PCM1: variants seen among roughly 807,000 people sequenced by gnomAD.
PCM1 encodes pericentriolar material 1 protein.
Under a neutral mutation model 241.9 loss-of-function variants are expected in PCM1, and 157 were observed. The observed-to-expected ratio is 0.65, with a 90% CI of 0.57 to 0.74. PCM1 has a LOEUF of 0.74. Among genes scored for constraint, PCM1 ranks in the 30% least tolerant of loss-of-function variants. The pLI, the probability that PCM1 is intolerant of heterozygous loss-of-function variation, is 0.00. For synonymous variants in PCM1, 1,085 were observed against 784.9 expected (o/e 1.38, Z -6.39); for missense variants, 3,478 against 2,360.1 (o/e 1.47, Z -9.81).
intron 36 of PCM1, among the ~76,000 whole-genome samples, chr8:18,022,294 T>TTAAG (rs2129488216): frequency 1.3e-5 from 2 of 152,356 alleles, no homozygotes; most frequent in South Asian, 4.1e-4. Context: ...ACTTTTCTCA[T>TTAAG]TAAGTTTTGA....
At chr8:18,014,112 C>T in intron 35 of PCM1, 76 bp downstream of exon 35, 1 of 682,896 alleles carries the variant, frequency 1.5e-6, no homozygotes, top group Non-Finnish European at 2.3e-6. Context: ...AAAAAAAAAA[C>T]ACACACAGAA....
chr8:17,950,647 G>T lies in PCM1; in HGVS notation c.994G>T (p.Val332Phe). The change falls in exon 8 of 39, where the codon GTC becomes TTC. Residue 332 changes from valine to phenylalanine, a missense_variant. Physicochemically the swap from Val to Phe is conservative, Grantham distance 50 (BLOSUM62 -1). Transcript: ENST00000325083. The stretch of plus-strand genomic sequence containing the variant: ...AGAAACTGCAGGTAGCTTATCTGGC[G>T]TCAGTATCACATCTGAACTAAATGA... ...VAETAGSLSG[V>F]SITSELNEEL... The T allele has an allele frequency of 6.2e-7, 1 of 1,604,514 alleles. No individual in the cohort carries two copies. The highest frequency in any genetic ancestry group is 8.5e-7 in the Non-Finnish European group (1 of 1,174,186).
At chr8:17,976,171 G>C (rs1587547007) in intron 23 of PCM1, among the ~76,000 whole-genome samples, 1 of 152,282 alleles carries the variant, frequency 6.6e-6, no homozygotes, top group East Asian at 1.9e-4. Context: ...GATTTGGCTG[G>C]TAAACAACTA....
chr8:17,980,548 A>T, intron 23 of PCM1, 43 bp from the exon 24 acceptor site: 1 of 1,512,100 alleles, frequency 6.6e-7, no homozygotes, highest in Non-Finnish European at 8.9e-7. Flanking sequence ...TTTTAGTTTG[A>T]GTTAGTTGCA....
At chr8:17,996,951 A>G (rs2087031761) in intron 29 of PCM1, among the ~76,000 whole-genome samples, 1 of 152,084 alleles carries the variant, frequency 6.6e-6, no homozygotes, top group African/African-American at 2.4e-5. Flanking sequence ...ACACACCACA[A>G]TTACAGTGTT....
intron 38 of PCM1, 119 bp downstream of exon 38, chr8:18,025,777 G>C (rs1217904226): frequency 3.3e-6 from 2 of 611,038 alleles, no homozygotes; most frequent in East Asian, 3.0e-5. Flanking sequence ...CCAAATACTA[G>C]AAAGAAAGTG....
intron 7 of PCM1, among the ~76,000 whole-genome samples, chr8:17,949,658 G>A (rs909352779): frequency 6.6e-6 from 1 of 151,902 alleles, no homozygotes; most frequent in Non-Finnish European, 1.5e-5. Context: ...GTACCACGCC[G>A]GGCTAATTTT....
intron 6 of PCM1, among the ~76,000 whole-genome samples, chr8:17,946,871 G>GTCCA (rs779967709): frequency 1.8e-4 from 27 of 148,804 alleles, no homozygotes; most frequent in African/African-American, 6.2e-4. Context: ...GTGTGTGTGT[G>GTCCA]TCCATGTGTC....
chr8:17,929,008 T>C (rs2058107892), intron 2 of PCM1, among the ~76,000 whole-genome samples: 1 of 152,166 alleles, frequency 6.6e-6, no homozygotes, highest in Non-Finnish European at 1.5e-5. Flanking sequence ...CTTATGACCG[T>C]CTGTGCTTGC....
Position 17,966,175 on chromosome 8 carries a change from A to C in PCM1, c.3032A>C (p.Asp1011Ala). 2 of 1,613,976 alleles carry C rather than the reference A, an allele frequency of 1.2e-6. No homozygotes were observed. The highest frequency in any genetic ancestry group is 1.7e-6 in the Non-Finnish European group (2 of 1,179,846). ...ATCAATCAGCTAAAGAAACAGCTTG[A>C]TTTTAGTGTCAGTATTTGTCAGACT... is the stretch of plus-strand genomic sequence containing the variant. ...EQINQLKKQL[D>A]FSVSICQTLM... The change falls in exon 19 of 39, where the codon GAT (aspartate) becomes GCT (alanine). Residue 1011 changes from aspartate (D) to alanine (A), a missense_variant. Coordinates refer to ENST00000325083, the MANE Select transcript of PCM1 (RefSeq NM_006197.4).
chr8:18,007,659 G>A (rs919348245), intron 30 of PCM1, among the ~76,000 whole-genome samples: 1 of 152,212 alleles, frequency 6.6e-6, no homozygotes, highest in Admixed American at 6.5e-5. Flanking sequence ...GGACATACAT[G>A]AAGAATACAA....
At chr8:17,967,197 T>C in intron 21 of PCM1, 27 bp downstream of exon 21, 1 of 1,500,518 alleles carries the variant, frequency 6.7e-7, no homozygotes, top group Non-Finnish European at 9.1e-7. Flanking sequence ...AAAGAGAAAA[T>C]AAATAAAAGC....
At chr8:17,988,116 CTT>C (rs1469595860) in intron 26 of PCM1, among the ~76,000 whole-genome samples, 2 of 151,700 alleles carry the variant, frequency 1.3e-5, no homozygotes, top group South Asian at 4.1e-4. Context: ...AGAAAACACA[CTT>C]TGTGTCTCCT....
Position 17,997,724 on chromosome 8 carries a change from A to G in PCM1, c.4827+4105A>G, listed in dbSNP as rs147441088. 1.4e-3 allele frequency among the ~76,000 whole-genome samples: 208 copies of G among 152,064 alleles called. 1 individual carries two copies. The highest frequency in any genetic ancestry group is 4.8e-3 in the African/African-American group (198 of 41,472). On this transcript the variant is annotated intron_variant, in intron 29 of 38. Coordinates refer to ENST00000325083, the MANE Select transcript of PCM1 (RefSeq NM_006197.4). ...ATCTGTTTATTAAATTTATCTATGA[A>G]TATAGAATTCTGAATTCCCGGCCAG...
At chr8:18,019,162 G>A (rs1196150119) in intron 36 of PCM1, among the ~76,000 whole-genome samples, 3 of 152,006 alleles carry the variant, frequency 2.0e-5, no homozygotes. Context: ...TGCCACAGGG[G>A]TTCGCTGAAG....
intron 36 of PCM1, among the ~76,000 whole-genome samples, chr8:18,021,348 A>C (rs943447374): frequency 2.0e-5 from 3 of 152,188 alleles, no homozygotes; most frequent in African/African-American, 7.2e-5. Context: ...AAACTCATAA[A>C]GCTGGAAAGA....
At chr8:17,967,822 AT>A (rs1033689426) in intron 21 of PCM1, among the ~76,000 whole-genome samples, 4 of 152,160 alleles carry the variant, frequency 2.6e-5, no homozygotes, top group Non-Finnish European at 2.9e-5. Context: ...GGGGATGCTA[AT>A]AGACTAAAGG....
intron 23 of PCM1, among the ~76,000 whole-genome samples, chr8:17,978,998 C>T (rs189279949): frequency 6.6e-6 from 1 of 152,036 alleles, no homozygotes; most frequent in Non-Finnish European, 1.5e-5. Context: ...GGCAGTTATG[C>T]CTGTAATCCC....
Position 17,966,970 on chromosome 8 carries a change from A to T in PCM1, c.3222-10A>T. 1 of 1,590,488 alleles carries T rather than the reference A, an allele frequency of 6.3e-7. No homozygotes were observed. Among genetic ancestry groups the T allele is most frequent in the Non-Finnish European group, 8.6e-7 (1 of 1,168,886 alleles). On this transcript the variant is annotated splice_polypyrimidine_tract_variant and intron_variant, in intron 20 of 38. Transcript: ENST00000325083. ...ACTGATTCTTAGATTACTGACTTAAATCTTTGTAGGTTGAAACAAATGCTA... is the reference window on the plus strand; with the variant it reads ...ACTGATTCTTAGATTACTGACTTAATTCTTTGTAGGTTGAAACAAATGCTA...
Sources: gnomAD v4.1 joint callset for allele counts (sites outside exome capture counted in the v4.1 genomes callset) on GRCh38, gnomAD v4.1.1 for gene constraint, MANE v1.5 for transcripts, NCBI Gene and HGNC (gene_info 2026-07-23, HGNC 2026-07-21) for gene names.